CDYL: variants seen among roughly 807,000 people sequenced by gnomAD.
CDYL encodes chromodomain Y-like protein.
In CDYL, 8 loss-of-function variants were observed where a neutral mutation model predicts 47.3. The ratio of observed to expected loss-of-function variants is 0.17; its 90% CI spans 0.10 to 0.31. The LOEUF is 0.31. Among genes scored for constraint, CDYL ranks in the 10% least tolerant of loss-of-function variants. The pLI is 1.00. For synonymous variants in CDYL, 266 were observed against 265.0 expected (o/e 1.00, Z -0.04); for missense variants, 471 against 701.4 (o/e 0.67, Z 3.71).
At chr6:4,923,079 G>A (rs1757765055) in intron 2 of CDYL, among the ~76,000 whole-genome samples, 2 of 151,876 alleles carry the variant, frequency 1.3e-5, no homozygotes, top group African/African-American at 4.8e-5. Context: ...CTTTATTTTG[G>A]TAACATTTAA....
At chr6:4,927,062 G>T (rs189151070) in intron 2 of CDYL, among the ~76,000 whole-genome samples, 1 of 152,306 alleles carries the variant, frequency 6.6e-6, no homozygotes, top group African/African-American at 2.4e-5. Context: ...TCAGGTGCAC[G>T]TGTGCCATAA....
intron 1 of CDYL, among the ~76,000 whole-genome samples, chr6:4,792,060 T>C (rs1758937903): frequency 6.6e-6 from 1 of 150,932 alleles, no homozygotes; most frequent in African/African-American, 2.4e-5. Flanking sequence ...TTTTTTTTTT[T>C]TTTTTGTATT....
chr6:4,712,774 A>G (rs1757175410), intron 1 of CDYL, among the ~76,000 whole-genome samples: 2 of 152,156 alleles, frequency 1.3e-5, no homozygotes, highest in South Asian at 4.1e-4. Flanking sequence ...AGCATTCACG[A>G]CTCACGTGCT....
At chr6:4,821,260 CTTTTTTTTTTTTTT>C (rs1176819548) in intron 1 of CDYL, among the ~76,000 whole-genome samples, 34 of 60,390 alleles carry the variant, frequency 5.6e-4, no homozygotes, top group Admixed American at 1.8e-3. Flanking sequence ...TATGGGAATT[CTTTTTTTTTTTTTT>C]TTTTTTTTTT....
rs1561819770 is a variant in CDYL at position 4,715,854 on chromosome 6, CAA to C, written c.79_80del (p.Lys27ValfsTer24). 2 of 1,614,114 alleles carry C rather than the reference CAA, an allele frequency of 1.2e-6. No homozygotes were observed. The highest frequency in any genetic ancestry group is 8.5e-7 in the Non-Finnish European group (1 of 1,180,010). The stretch of plus-strand genomic sequence containing the variant: ...AAACTGGCAATACGAGGGCCCAACC[CAA>C]AAGTTATTCCTGAAGAGAAACAACG... On this transcript the variant is annotated frameshift_variant, in exon 2 of 9. Coordinates refer to the CDYL transcript ENST00000328908. LOFTEE classifies it high-confidence loss of function.
At chr6:4,741,316 C>A (rs1442131057) in intron 3 of CDYL, among the ~76,000 whole-genome samples, 3 of 152,100 alleles carry the variant, frequency 2.0e-5, no homozygotes, top group Admixed American at 2.0e-4. Context: ...TTCAATTGGC[C>A]AAATCATGCA....
At position 4,776,753 on chromosome 6, in the gene CDYL, G is replaced by GCCC; in HGVS notation, c.-29_-27dup. On this transcript the variant is annotated 5_prime_UTR_variant, in exon 1 of 7. Transcript: ENST00000397588. ...CGGCGCCGGCGCCCGCCCCGACCCT[G>GCCC]CCCCTCCCGCCCGCAACTCCGCCGC... The GCCC allele has an allele frequency of 3.9e-5, 27 of 696,712 alleles. No individual in the cohort carries two copies. The highest frequency in any genetic ancestry group is 5.2e-5 in the Non-Finnish European group (27 of 517,316). 43.2% of individuals were successfully genotyped at this position (696,712 alleles called of 1,614,324 possible). A position where few individuals can be genotyped will look rare whatever the true frequency, so the allele number is the denominator to read the frequency against.
intron 1 of CDYL, among the ~76,000 whole-genome samples, chr6:4,782,884 G>A (rs956601358): frequency 6.6e-6 from 1 of 152,132 alleles, no homozygotes; most frequent in Non-Finnish European, 1.5e-5. Flanking sequence ...CACTGATTGG[G>A]TTTAGAAGTT....
At chr6:4,755,397 C>G (rs1482970607) in intron 3 of CDYL, among the ~76,000 whole-genome samples, 2 of 152,136 alleles carry the variant, frequency 1.3e-5, no homozygotes, top group Admixed American at 6.5e-5. Context: ...ACATTTCTTC[C>G]TCTTCACACC....
intron 2 of CDYL, among the ~76,000 whole-genome samples, chr6:4,901,115 A>G (rs1757038686): frequency 6.6e-6 from 1 of 151,848 alleles, no homozygotes; most frequent in Non-Finnish European, 1.5e-5. Context: ...ACCAAAGTAT[A>G]TTTCATTACT....
rs567586970 is a variant in CDYL at position 4,801,147 on chromosome 6, G to A, written c.24+24340G>A. 5.9e-5 allele frequency among the ~76,000 whole-genome samples: 9 copies of A among 152,252 alleles called. No individual in the cohort carries two copies. In the South Asian group the frequency reaches 8.3e-4, roughly 14 times the overall value. On this transcript the variant is annotated intron_variant, in intron 1 of 6. Coordinates refer to ENST00000397588, the MANE Select transcript of CDYL (RefSeq NM_004824.4). ...AGATGGCAGAACCAAGCATCAATCC[G>A]TTGCTTAGCCAGTCTAATGCATTTA...
intron 1 of CDYL, among the ~76,000 whole-genome samples, chr6:4,841,123 TC>T (rs1175051606): frequency 6.6e-6 from 1 of 152,224 alleles, no homozygotes; most frequent in African/African-American, 2.4e-5. Flanking sequence ...TTCTGTTTCT[TC>T]CTGGTTTAGT....
chr6:4,739,075 C>G (rs1045382676), intron 3 of CDYL, among the ~76,000 whole-genome samples: 6 of 151,962 alleles, frequency 3.9e-5, no homozygotes, highest in Admixed American at 3.9e-4. Context: ...GCTGGAGAAT[C>G]GCTTCAACCT....
intron 1 of CDYL, among the ~76,000 whole-genome samples, chr6:4,813,607 G>A (rs997287925): frequency 2.0e-5 from 3 of 152,080 alleles, no homozygotes; most frequent in Non-Finnish European, 2.9e-5. Flanking sequence ...TGAGATTGAC[G>A]GATCCATTTG....
intron 1 of CDYL, among the ~76,000 whole-genome samples, chr6:4,864,453 T>C (rs1165476656): frequency 1.3e-5 from 2 of 152,188 alleles, no homozygotes; most frequent in Non-Finnish European, 2.9e-5. Context: ...TATCCTGTCC[T>C]TTTATTATTT....
intron 1 of CDYL, among the ~76,000 whole-genome samples, chr6:4,824,050 G>A (rs749352128): frequency 3.5e-4 from 53 of 152,300 alleles, no homozygotes; most frequent in South Asian, 2.1e-4. Flanking sequence ...CCGTGTTCCA[G>A]CATGTATCAG....
chr6:4,812,321 C>G (rs1759552648), intron 1 of CDYL, among the ~76,000 whole-genome samples: 1 of 152,126 alleles, frequency 6.6e-6, no homozygotes, highest in African/African-American at 2.4e-5. Flanking sequence ...TAGTCACTTC[C>G]CCATTGAAGG....
chr6:4,945,741 G>T (rs1758493436), intron 5 of CDYL, among the ~76,000 whole-genome samples: 1 of 152,230 alleles, frequency 6.6e-6, no homozygotes, highest in African/African-American at 2.4e-5. Flanking sequence ...CACCTCTCAG[G>T]CCGTGCCGAC....
intron 1 of CDYL, among the ~76,000 whole-genome samples, chr6:4,820,712 T>C (rs76260446): frequency 0.027 from 4,044 of 152,314 alleles, 185 homozygotes; most frequent in African/African-American, 0.092. Flanking sequence ...CCAGTTCCCT[T>C]GTGAGTGCAC....
Sources: gnomAD v4.1 joint callset for allele counts (sites outside exome capture counted in the v4.1 genomes callset) on GRCh38, gnomAD v4.1.1 for gene constraint, MANE v1.5 for transcripts, NCBI Gene and HGNC (gene_info 2026-07-23, HGNC 2026-07-21) for gene names.